Variants in GRM3 observed in about 807,000 individuals in gnomAD.
The protein encoded by GRM3 is glutamate metabotropic receptor 3.
Under a neutral mutation model 70.5 loss-of-function variants are expected in GRM3, and 26 were observed. The observed-to-expected ratio is 0.37, with a 90% CI of 0.27 to 0.51. The LOEUF (loss-of-function observed/expected upper bound fraction) is 0.51. Among genes scored for constraint, GRM3 ranks in the 20% least tolerant of loss-of-function variants. The pLI, the probability that GRM3 is intolerant of heterozygous loss-of-function variation, is 0.93. For missense variants in GRM3, 859 were observed against 1,123.8 expected (o/e 0.76, Z 3.37); for synonymous variants, 443 against 434.9 (o/e 1.02, Z -0.23).
intron 3 of GRM3, among the ~76,000 whole-genome samples, chr7:86,813,334 T>A (rs1455864896): frequency 1.3e-5 from 2 of 151,724 alleles, no homozygotes; most frequent in African/African-American, 4.8e-5. Context: ...AAATGAAGCA[T>A]CTTGCACATC....
chr7:86,841,704 A>G (rs1003361455), intron 4 of GRM3, among the ~76,000 whole-genome samples: 2 of 152,206 alleles, frequency 1.3e-5, no homozygotes, highest in Non-Finnish European at 2.9e-5. Context: ...AGAAAATACT[A>G]CTGAGAATAA....
At chr7:86,783,434 C>T (rs1220991440) in intron 2 of GRM3, among the ~76,000 whole-genome samples, 2 of 152,156 alleles carry the variant, frequency 1.3e-5, no homozygotes, top group Admixed American at 6.5e-5. Flanking sequence ...CCTAGCAGAA[C>T]TGTTTTTGCA....
intron 2 of GRM3, among the ~76,000 whole-genome samples, chr7:86,779,605 A>C (rs975226216): frequency 6.6e-6 from 1 of 152,228 alleles, no homozygotes; most frequent in African/African-American, 2.4e-5. Context: ...TTAGTGAATA[A>C]TCTAGAAATC....
At chr7:86,781,872 C>T (rs555834030) in intron 2 of GRM3, among the ~76,000 whole-genome samples, 2 of 152,136 alleles carry the variant, frequency 1.3e-5, no homozygotes, top group East Asian at 1.9e-4. Flanking sequence ...TCTTTGAGTA[C>T]GTTTAACTGT....
intron 1 of GRM3, among the ~76,000 whole-genome samples, chr7:86,760,370 G>A (rs1476433459): frequency 3.3e-5 from 5 of 152,134 alleles, no homozygotes; most frequent in Admixed American, 1.3e-4. Context: ...ACATTGGTGA[G>A]CAGGTTGCCT....
chr7:86,856,054 A>G (rs1436129789), intron 5 of GRM3, among the ~76,000 whole-genome samples: 1 of 152,222 alleles, frequency 6.6e-6, no homozygotes, highest in African/African-American at 2.4e-5. Context: ...AGGAAGAACT[A>G]GAGTATTCAG....
At position 86,757,267 on chromosome 7, in the gene GRM3, G is replaced by A. The variant is rs180831026; in HGVS notation, c.-140-7739G>A. Among the ~76,000 whole-genome samples, 509 of 152,178 alleles carry A rather than the reference G, an allele frequency of 3.3e-3. 4 individuals are homozygous for A. Among genetic ancestry groups the A allele is most frequent in the African/African-American group, 0.011 (476 of 41,516 alleles). On this transcript the variant is annotated intron_variant, in intron 1 of 5. Transcript: ENST00000361669. ...GGTTATTATAGGACATATATTTGTA[G>A]GCAGTCTGAATTATGTCATCTTTCT...
chr7:86,650,573 TA>T (rs1353977760), intron 1 of GRM3, among the ~76,000 whole-genome samples: 2 of 152,148 alleles, frequency 1.3e-5, no homozygotes, highest in Non-Finnish European at 2.9e-5. Flanking sequence ...AGAAGTAAGC[TA>T]AAACATTATT....
chr7:86,783,919 A>T (rs558297491), intron 2 of GRM3, among the ~76,000 whole-genome samples: 30 of 152,348 alleles, frequency 2.0e-4, no homozygotes, highest in Non-Finnish European at 4.0e-4. Context: ...GTTTCAACTC[A>T]CCAAATGTGC....
chr7:86,655,641 G>A (rs1455064428), intron 1 of GRM3, among the ~76,000 whole-genome samples: 1 of 152,066 alleles, frequency 6.6e-6, no homozygotes, highest in Non-Finnish European at 1.5e-5. Context: ...GTAAGAAGCT[G>A]AAAAAGTAAG....
chr7:86,833,885 G>A (rs539104532), intron 3 of GRM3, among the ~76,000 whole-genome samples: 3 of 152,154 alleles, frequency 2.0e-5, no homozygotes, highest in Non-Finnish European at 4.4e-5. Context: ...GTATTTGAAG[G>A]ATGTAGAAAC....
In GRM3 at chr7:86,644,846, G is replaced by A. The variant is rs1412318395; in HGVS notation, c.-167G>A. On this transcript the variant is annotated 5_prime_UTR_variant, in exon 1 of 6. Coordinates refer to ENST00000361669, the MANE Select transcript of GRM3 (RefSeq NM_000840.3). ...GCCGCTGCCACCGCGGTCAGCTCCAGTTCCTGCCAGGAGTTGTCGGTGCGA... is the reference window on the plus strand; with the variant it reads ...GCCGCTGCCACCGCGGTCAGCTCCAATTCCTGCCAGGAGTTGTCGGTGCGA... 7.8e-7 allele frequency: 1 copy of A among 1,289,570 alleles called. No homozygotes were observed. Among genetic ancestry groups the A allele is most frequent in the Admixed American group, 2.3e-5 (1 of 43,570 alleles). The allele number at this position is 1,289,570 out of a possible 1,614,324, so 79.9% of individuals were successfully genotyped here. A position where few individuals can be genotyped will look rare whatever the true frequency, so the allele number is the denominator to read the frequency against.
chr7:86,812,785 GATAGGA>G (rs1797938022), intron 3 of GRM3, among the ~76,000 whole-genome samples: 2 of 151,752 alleles, frequency 1.3e-5, no homozygotes, highest in African/African-American at 4.8e-5. Flanking sequence ...TAGTGGAAAT[GATAGGA>G]TTGTTGGCAC....
In GRM3 at chr7:86,786,511, G is replaced by C; in HGVS notation, c.719G>C (p.Cys240Ser). The C allele has an allele frequency of 6.2e-7, 1 of 1,614,174 alleles. No homozygotes were observed. Among genetic ancestry groups the C allele is most frequent in the Non-Finnish European group, 8.5e-7 (1 of 1,180,046 alleles). Residue 240 changes from cysteine to serine, a missense_variant, in exon 3 of 6, where the codon TGC (cysteine) becomes TCC (serine). Transcript: ENST00000361669. The surrounding 1 kb of genome is among the most constrained non-coding windows in gnomAD (Gnocchi z 6.0). ...CAGGAAGCCCGCCTGCGCAACATCT[G>C]CATCGCTACGGCGGAGAAGGTGGGC... ...FEQEARLRNICIATAEKVGRS... is the reference protein window; with the variant it reads ...FEQEARLRNISIATAEKVGRS...
At chr7:86,646,011 GGGGGT>G (rs1338085073) in intron 1 of GRM3, among the ~76,000 whole-genome samples, 10 of 84,884 alleles carry the variant, frequency 1.2e-4, no homozygotes, top group Admixed American at 5.3e-4. Context: ...GGGGGTGGGG[GGGGGT>G]GGGAGGGAGT....
chr7:86,675,412 C>T (rs976743446), intron 1 of GRM3, among the ~76,000 whole-genome samples: 1 of 152,052 alleles, frequency 6.6e-6, no homozygotes, highest in Non-Finnish European at 1.5e-5. Flanking sequence ...AGCCTCAAGA[C>T]AGCCAGAAAT....
chr7:86,795,253 TTTTTATTTTATTTTA>T lies in GRM3; in HGVS notation c.1324+8189_1324+8203del, dbSNP rs67329784. On this transcript the variant is annotated intron_variant, in intron 3 of 5. Coordinates refer to ENST00000361669, the MANE Select transcript of GRM3 (RefSeq NM_000840.3). ...GTTAAGAGCCATTGGTCTAGGTTAG[TTTTTATTTTATTTTA>T]TTTTATTTTATTTTATTTTATTTTA... Among the ~76,000 whole-genome samples, 596 of 124,022 alleles carry T rather than the reference TTTTTATTTTATTTTA, an allele frequency of 4.8e-3. 1 individual carries two copies. The highest frequency in any genetic ancestry group is 0.014 in the African/African-American group (445 of 32,418). 81.4% of individuals were successfully genotyped at this position (124,022 alleles called of 152,430 possible).
chr7:86,739,979 G>A (rs1795949967), intron 1 of GRM3, among the ~76,000 whole-genome samples: 1 of 152,174 alleles, frequency 6.6e-6, no homozygotes, highest in South Asian at 2.1e-4. Flanking sequence ...CAGTGCTTGT[G>A]TTAATAAGAT....
At chr7:86,845,428 C>A (rs1798637464) in intron 4 of GRM3, among the ~76,000 whole-genome samples, 1 of 152,082 alleles carries the variant, frequency 6.6e-6, no homozygotes, top group Non-Finnish European at 1.5e-5. Flanking sequence ...TTGATGCCTC[C>A]TTAAATTTGT....
Sources: gnomAD v4.1 joint callset for allele counts (sites outside exome capture counted in the v4.1 genomes callset) on GRCh38, gnomAD v4.1.1 for gene constraint, Gnocchi (gnomAD v3.1) non-coding constraint, MANE v1.5 for transcripts, NCBI Gene and HGNC (gene_info 2026-07-23, HGNC 2026-07-21) for gene names.